The following FRMD4A variants were observed in gnomAD, a reference collection of about 807,000 sequenced individuals.
The protein encoded by FRMD4A is FERM domain-containing protein 4A.
FRMD4A carries 29 observed loss-of-function variants against 129.1 expected under a neutral mutation model. The ratio of observed to expected loss-of-function variants is 0.22; its 90% CI spans 0.17 to 0.31. FRMD4A has a LOEUF of 0.31. FRMD4A is among the 10% of genes least tolerant of loss of function. The pLI is 1.00. For synonymous variants in FRMD4A, 634 were observed against 571.6 expected (o/e 1.11, Z -1.56); for missense variants, 1,272 against 1,375.8 (o/e 0.92, Z 1.19).
chr10:13,891,743 GC>G (rs2094699665), intron 2 of FRMD4A: 1 of 983,592 alleles, frequency 1.0e-6, no homozygotes, highest in Non-Finnish European at 1.2e-6. Flanking sequence ...CGGCCTTGGC[GC>G]CCGCAGCTGG....
chr10:14,028,392 A>G (rs1021731435), intron 2 of FRMD4A, among the ~76,000 whole-genome samples: 5 of 152,084 alleles, frequency 3.3e-5, no homozygotes, highest in Non-Finnish European at 7.4e-5. Context: ...GTAGAGCGTA[A>G]CTCCTTATCA....
At chr10:13,964,020 C>T (rs912667750) in intron 2 of FRMD4A, among the ~76,000 whole-genome samples, 1 of 151,932 alleles carries the variant, frequency 6.6e-6, no homozygotes, top group Non-Finnish European at 1.5e-5. Context: ...CAAGGGCATT[C>T]ATGCTTGGAG....
At chr10:14,295,033 G>A (rs1054259071) in intron 2 of FRMD4A, among the ~76,000 whole-genome samples, 2 of 152,172 alleles carry the variant, frequency 1.3e-5, no homozygotes, top group African/African-American at 4.8e-5. Flanking sequence ...TTAGTAATGA[G>A]ATTAATTCTC....
intron 2 of FRMD4A, chr10:14,083,129 G>C (rs1836029045): frequency 6.6e-6 from 1 of 152,184 alleles, no homozygotes; most frequent in South Asian, 2.1e-4. Flanking sequence ...GACTGAATCT[G>C]TAAGATCCTT....
At chr10:13,763,332 C>G (rs1361010976) in intron 6 of FRMD4A, among the ~76,000 whole-genome samples, 1 of 152,128 alleles carries the variant, frequency 6.6e-6, no homozygotes, top group Admixed American at 6.5e-5. Flanking sequence ...TAAAGAAAGG[C>G]TTTCTTGAAA....
At chr10:13,993,676 T>A (rs1033952085) in intron 2 of FRMD4A, among the ~76,000 whole-genome samples, 2 of 152,226 alleles carry the variant, frequency 1.3e-5, no homozygotes, top group Non-Finnish European at 2.9e-5. Flanking sequence ...AGGCAATAAT[T>A]AGACCAGAGG....
intron 2 of FRMD4A, among the ~76,000 whole-genome samples, chr10:14,123,227 T>C (rs1838637015): frequency 6.6e-6 from 1 of 152,092 alleles, no homozygotes; most frequent in Non-Finnish European, 1.5e-5. Context: ...GCAACATTTC[T>C]TGTATATTGA....
intron 2 of FRMD4A, among the ~76,000 whole-genome samples, chr10:13,977,010 G>T (rs2095544197): frequency 6.6e-6 from 1 of 152,160 alleles, no homozygotes; most frequent in South Asian, 2.1e-4. Context: ...AAACTTCAAG[G>T]AATTAACGCC....
chr10:13,785,622 G>A (rs1380372856), intron 5 of FRMD4A, among the ~76,000 whole-genome samples: 8 of 151,818 alleles, frequency 5.3e-5, no homozygotes, highest in Non-Finnish European at 1.2e-4. Context: ...TTTTTATTTT[G>A]TTATTATTTT....
At chr10:14,299,139 A>C (rs750729622) in intron 2 of FRMD4A, among the ~76,000 whole-genome samples, 2 of 152,238 alleles carry the variant, frequency 1.3e-5, no homozygotes, top group Non-Finnish European at 2.9e-5. Flanking sequence ...AGGCTACCCC[A>C]GTAGTCCAGA....
intron 2 of FRMD4A, among the ~76,000 whole-genome samples, chr10:14,081,823 T>G (rs1383075217): frequency 3.3e-5 from 5 of 152,130 alleles, no homozygotes; most frequent in Non-Finnish European, 7.4e-5. Flanking sequence ...AATTCAGACA[T>G]CCAATGCAGG....
chr10:13,689,536 A>AGAT (rs35513750), intron 15 of FRMD4A, among the ~76,000 whole-genome samples: 1 of 208 alleles, frequency 4.8e-3, no homozygotes, highest in African/African-American at 6.1e-3. Flanking sequence ...CTAGGAACAT[A>AGAT]GATTAGAAGA....
chr10:13,777,103 G>C (rs2092613516), intron 6 of FRMD4A, among the ~76,000 whole-genome samples: 1 of 152,196 alleles, frequency 6.6e-6, no homozygotes, highest in Admixed American at 6.5e-5. Flanking sequence ...TTTTACCAAG[G>C]GGCATGCCTG....
intron 2 of FRMD4A, among the ~76,000 whole-genome samples, chr10:14,212,256 G>A (rs918064807): frequency 2.0e-5 from 3 of 152,152 alleles, no homozygotes; most frequent in African/African-American, 4.8e-5. Context: ...AGATGCTTTG[G>A]GAGAATATGA....
At chr10:13,804,023 C>T (rs1224715321) in intron 4 of FRMD4A, among the ~76,000 whole-genome samples, 2 of 152,228 alleles carry the variant, frequency 1.3e-5, no homozygotes, top group African/African-American at 2.4e-5. Flanking sequence ...ATCTTAGCTG[C>T]ACACAGAAAG....
chr10:13,700,500 C>T (rs2086704756), intron 14 of FRMD4A, among the ~76,000 whole-genome samples: 1 of 152,196 alleles, frequency 6.6e-6, no homozygotes, highest in Non-Finnish European at 1.5e-5. Flanking sequence ...CCAGGGTGAC[C>T]TCAGTCTGTA....
intron 12 of FRMD4A, among the ~76,000 whole-genome samples, chr10:13,708,137 T>G (rs532594870): frequency 3.3e-5 from 5 of 152,358 alleles, no homozygotes; most frequent in African/African-American, 1.2e-4. Flanking sequence ...CTTGTTCTTG[T>G]CTTTCTGCGG....
intron 2 of FRMD4A, among the ~76,000 whole-genome samples, chr10:14,119,805 C>T (rs1367113196): frequency 6.6e-6 from 1 of 152,124 alleles, no homozygotes; most frequent in African/African-American, 2.4e-5. Flanking sequence ...TCTCAGAAAG[C>T]CCATGGCCAA....
chr10:13,736,762 G>T (rs1217314424), intron 12 of FRMD4A, among the ~76,000 whole-genome samples: 2 of 152,168 alleles, frequency 1.3e-5, no homozygotes, highest in Non-Finnish European at 2.9e-5. Context: ...GTTTTCATAG[G>T]TTTTTAATAT....
Sources: allele counts gnomAD v4.1 joint callset (sites outside exome capture counted in the v4.1 genomes callset), GRCh38; gene constraint gnomAD v4.1.1; transcripts MANE v1.5; gene names NCBI Gene and HGNC (gene_info 2026-07-23, HGNC 2026-07-21).